Variants in FCHO2 observed in about 807,000 individuals in gnomAD.
The protein encoded by FCHO2 is FCH and mu domain containing endocytic adaptor 2, also known as F-BAR domain only protein 2.
In FCHO2, 43 loss-of-function variants were observed where a neutral mutation model predicts 114.1. That is an observed-to-expected ratio of 0.38 (90% CI 0.30 to 0.49). The LOEUF (loss-of-function observed/expected upper bound fraction) is 0.49. FCHO2 is among the 20% of genes least tolerant of loss of function. The pLI is 0.97. For missense variants in FCHO2, 807 were observed against 950.4 expected (o/e 0.85, Z 1.98); for synonymous variants, 293 against 315.2 (o/e 0.93, Z 0.75).
At position 73,088,089 on chromosome 5, in the gene FCHO2, G is replaced by A; in HGVS notation, c.2432G>A (p.Ter811=). The A allele has an allele frequency of 6.2e-7, 1 of 1,613,434 alleles. No individual in the cohort carries two copies. The highest frequency in any genetic ancestry group is 8.5e-7 in the Non-Finnish European group (1 of 1,179,662). The change falls in exon 26 of 26, where the codon TGA becomes TAA. Residue 811 remains the stop codon, a stop_retained_variant. Transcript: ENST00000430046. ...TCAGGACGATACCTGGCGGATTGTT[G>A]ATGGACCTGGGAAAGTGATGTGGCT... ...FATGRYLADC[*]
chr5:73,087,786 C>T lies in FCHO2; in HGVS notation c.2410+33C>T, dbSNP rs564349965. On this transcript the variant is annotated intron_variant, in intron 25 of 25. Coordinates refer to ENST00000430046, the MANE Select transcript of FCHO2 (RefSeq NM_138782.3). ...AGGAGATTTCAAACTTTTTAATGTACATGGGAAACATTTGTATTCTAACAG... is the reference window on the plus strand; with the variant it reads ...AGGAGATTTCAAACTTTTTAATGTATATGGGAAACATTTGTATTCTAACAG... 1.1e-5 allele frequency: 17 copies of T among 1,532,988 alleles called. No individual in the cohort carries two copies. The South Asian group carries it at 2.1e-4, about 19-fold the overall frequency. The allele number at this position is 1,532,988 out of a possible 1,614,324, so 95.0% of individuals were successfully genotyped here. A position where few individuals can be genotyped will look rare whatever the true frequency, so the allele number is the denominator to read the frequency against.
At chr5:72,959,395 C>T (rs990011173) in intron 1 of FCHO2, among the ~76,000 whole-genome samples, 1 of 151,998 alleles carries the variant, frequency 6.6e-6, no homozygotes, top group African/African-American at 2.4e-5. Context: ...GTAGTCCCAG[C>T]TACTTGGAAG....
intron 17 of FCHO2, among the ~76,000 whole-genome samples, chr5:73,059,993 CA>C (rs1334688481): frequency 1.3e-5 from 2 of 151,190 alleles, no homozygotes; most frequent in African/African-American, 4.9e-5. Flanking sequence ...TAAAAGTTTT[CA>C]AATTGGTATC....
At chr5:73,003,958 G>A (rs1037745269) in intron 5 of FCHO2, among the ~76,000 whole-genome samples, 2 of 147,646 alleles carry the variant, frequency 1.4e-5, no homozygotes, top group East Asian at 4.1e-4. Context: ...CGAGGCAGGA[G>A]AAGCGCTTGA....
chr5:73,029,994 A>G (rs1276514812), intron 8 of FCHO2, among the ~76,000 whole-genome samples: 2 of 141,358 alleles, frequency 1.4e-5, no homozygotes, highest in Non-Finnish European at 3.2e-5. Context: ...TTTTCTTTGC[A>G]TTTTTCTTTT....
At chr5:72,987,517 T>C (rs1402028465) in intron 2 of FCHO2, among the ~76,000 whole-genome samples, 1 of 152,026 alleles carries the variant, frequency 6.6e-6, no homozygotes, top group East Asian at 1.9e-4. Context: ...TTTGTATTTT[T>C]AGTACAGACG....
chr5:73,009,386 T>C (rs905798235), intron 6 of FCHO2, among the ~76,000 whole-genome samples: 2 of 152,270 alleles, frequency 1.3e-5, no homozygotes, highest in African/African-American at 4.8e-5. Flanking sequence ...CAGAGTTTGC[T>C]ATAGTCAGAG....
chr5:73,022,415 T>C (rs1487253556), intron 8 of FCHO2, among the ~76,000 whole-genome samples: 1 of 152,208 alleles, frequency 6.6e-6, no homozygotes, highest in Non-Finnish European at 1.5e-5. Context: ...CTGATGCAAT[T>C]TTTCCCACTC....
chr5:72,961,535 T>A (rs1439431987), intron 1 of FCHO2, among the ~76,000 whole-genome samples: 1 of 151,848 alleles, frequency 6.6e-6, no homozygotes, highest in Non-Finnish European at 1.5e-5. Flanking sequence ...TAAGAGGGAG[T>A]AAATCTTCTT....
intron 2 of FCHO2, among the ~76,000 whole-genome samples, chr5:72,982,956 G>T (rs1001241063): frequency 6.7e-6 from 1 of 149,890 alleles, no homozygotes; most frequent in Non-Finnish European, 1.5e-5. Flanking sequence ...CTCTGTCGCC[G>T]AGGCTGGAGT....
intron 12 of FCHO2, among the ~76,000 whole-genome samples, 174 bp from the exon 13 acceptor site, chr5:73,052,158 C>T (rs1561479905): frequency 1.3e-5 from 2 of 151,770 alleles, no homozygotes; most frequent in African/African-American, 2.4e-5. Flanking sequence ...CTCCTGACCT[C>T]GTGATCCACC....
chr5:72,994,708 A>C (rs1753986966), intron 5 of FCHO2, among the ~76,000 whole-genome samples: 1 of 152,202 alleles, frequency 6.6e-6, no homozygotes, highest in African/African-American at 2.4e-5. Flanking sequence ...CACTATTCAC[A>C]ATATCTAAAT....
At chr5:73,049,420 T>C (rs1383568563) in intron 11 of FCHO2, among the ~76,000 whole-genome samples, 1 of 152,204 alleles carries the variant, frequency 6.6e-6, no homozygotes, top group Non-Finnish European at 1.5e-5. Flanking sequence ...TATTTTTTCC[T>C]AGTCCTTGAG....
At chr5:72,966,220 C>CT (rs1489432047) in intron 1 of FCHO2, among the ~76,000 whole-genome samples, 2 of 152,100 alleles carry the variant, frequency 1.3e-5, no homozygotes, top group Admixed American at 6.6e-5. Flanking sequence ...TCTACATAAA[C>CT]TTTTTTTAAA....
Position 73,087,651 on chromosome 5 carries a change from G to A in FCHO2, c.2308G>A (p.Ala770Thr). Residue 770 changes from alanine (A) to threonine (T), a missense_variant, in exon 25 of 26, where the codon GCA becomes ACA. Coordinates refer to ENST00000430046, the MANE Select transcript of FCHO2 (RefSeq NM_138782.3). Reference sequence around the variant, plus strand: ...AGGACCTAGTAAACCCACGACACTTGCAGTACAATTCCTCAGCGAGGGAAG... The same window carrying A: ...AGGACCTAGTAAACCCACGACACTTACAGTACAATTCCTCAGCGAGGGAAG... Reference protein sequence around the residue: ...SEGPSKPTTLAVQFLSEGSTL... With the variant: ...SEGPSKPTTLTVQFLSEGSTL... The A allele has an allele frequency of 6.2e-7, 1 of 1,613,920 alleles. No individual in the cohort carries two copies. Among genetic ancestry groups the A allele is most frequent in the Non-Finnish European group, 8.5e-7 (1 of 1,179,844 alleles).
chr5:72,959,031 C>T (rs1397491491), intron 1 of FCHO2, among the ~76,000 whole-genome samples: 1 of 152,170 alleles, frequency 6.6e-6, no homozygotes, highest in Non-Finnish European at 1.5e-5. Context: ...TATTTGAATT[C>T]TGGAGAGACC....
chr5:73,019,814 AC>A (rs1051156343), intron 8 of FCHO2, among the ~76,000 whole-genome samples: 18 of 152,288 alleles, frequency 1.2e-4, no homozygotes, highest in African/African-American at 4.3e-4. Flanking sequence ...GTGTCCCCAA[AC>A]TAAACAAACC....
intron 9 of FCHO2, among the ~76,000 whole-genome samples, chr5:73,036,467 G>T (rs1756515443): frequency 6.6e-6 from 1 of 151,882 alleles, no homozygotes; most frequent in African/African-American, 2.4e-5. Flanking sequence ...TCCATCTCCT[G>T]GACTCAAGCA....
chr5:73,041,302 A>T lies in FCHO2; in HGVS notation c.926A>T (p.Asp309Val), dbSNP rs371634316. The T allele has an allele frequency of 1.4e-5, 20 of 1,480,704 alleles. No individual in the cohort carries two copies. Among genetic ancestry groups the T allele is most frequent in the Non-Finnish European group, 1.9e-5 (20 of 1,065,714 alleles). 91.7% of individuals were successfully genotyped at this position (1,480,704 alleles called of 1,614,324 possible). ...TTTTGTTTTAATAGGGAATGTCCTG[A>T]TGCAGATTCATTGGTAAGTAGATTT... is the stretch of plus-strand genomic sequence containing the variant. ...EKDAESVECP[D>V]ADSLNIPDVD... Residue 309 changes from aspartate (D) to valine (V), a missense_variant, in exon 11 of 26, where the codon GAT (aspartate) becomes GTT (valine). Transcript: ENST00000430046.
Sources: gnomAD v4.1 joint callset for allele counts (sites outside exome capture counted in the v4.1 genomes callset) on GRCh38, gnomAD v4.1.1 for gene constraint, MANE v1.5 for transcripts, NCBI Gene and HGNC (gene_info 2026-07-23, HGNC 2026-07-21) for gene names.